The following PDE1A variants were observed in gnomAD, a reference collection of about 807,000 sequenced individuals.
The protein encoded by PDE1A is phosphodiesterase 1A.
In PDE1A, 35 loss-of-function variants were observed where a neutral mutation model predicts 61.7. The ratio of observed to expected loss-of-function variants is 0.57; its 90% CI spans 0.43 to 0.75. The LOEUF (loss-of-function observed/expected upper bound fraction) is 0.75, where lower values mean the gene tolerates loss of function less well. PDE1A is among the 30% of genes least tolerant of loss of function. The probability of loss-of-function intolerance (pLI) is 0.00; values close to 1 mark genes in which losing one functional copy is unlikely to be tolerated. For synonymous variants in PDE1A, 232 were observed against 213.2 expected (o/e 1.09, Z -0.77); for missense variants, 597 against 630.6 (o/e 0.95, Z 0.57).
chr2:182,565,386 A>G, the PDE1A span, among the ~76,000 whole-genome samples: 2 of 152,164 alleles, frequency 1.3e-5, no homozygotes, highest in African/African-American at 4.8e-5. Context: ...TGAACCGCAA[A>G]TGCTGCTGTC....
chr2:182,547,432 T>G, the PDE1A span, among the ~76,000 whole-genome samples: 1 of 152,256 alleles, frequency 6.6e-6, no homozygotes, highest in African/African-American at 2.4e-5. Context: ...CCTTTGATGA[T>G]GAGCATAAGA....
chr2:182,540,369 A>G, the PDE1A span, among the ~76,000 whole-genome samples: 633 of 142,452 alleles, frequency 4.4e-3, 3 homozygotes, highest in African/African-American at 0.014. Flanking sequence ...TCTCAAAGAA[A>G]AAAAAAAAAA....
intron 13 of PDE1A, among the ~76,000 whole-genome samples, chr2:182,148,633 A>G (rs879516834): frequency 1.3e-5 from 2 of 152,166 alleles, no homozygotes; most frequent in Non-Finnish European, 2.9e-5. Flanking sequence ...GTGGGTGGGT[A>G]CATTTGGTTC....
the PDE1A span, among the ~76,000 whole-genome samples, chr2:182,684,746 T>C: frequency 6.6e-6 from 1 of 152,204 alleles, no homozygotes; most frequent in Non-Finnish European, 1.5e-5. Flanking sequence ...AGACAGGATT[T>C]TGCCATGTTG....
chr2:182,344,750 T>TCACA lies in PDE1A; in HGVS notation c.54-80340_54-80337dup, dbSNP rs10590540. Among the ~76,000 whole-genome samples the TCACA allele has an allele frequency of 2.6e-3, 386 of 150,652 alleles. 3 individuals are homozygous for TCACA. Among genetic ancestry groups the TCACA allele is most frequent in the African/African-American group, 8.2e-3 (337 of 41,098 alleles). On this transcript the variant is annotated intron_variant, in intron 1 of 13. Coordinates refer to ENST00000351439, the Ensembl canonical transcript of PDE1A. The stretch of plus-strand genomic sequence containing the variant: ...CTCTGTCTCTCTGTCTCTCTCTCTC[T>TCACA]CACACACACACACACACACATACAC...
At chr2:182,337,931 C>T (rs539634595) in intron 1 of PDE1A, among the ~76,000 whole-genome samples, 1 of 152,290 alleles carries the variant, frequency 6.6e-6, no homozygotes, top group South Asian at 2.1e-4. Context: ...CAATGACCTA[C>T]CTGTCATTTG....
At chr2:182,343,501 T>C (rs1238403153) in intron 1 of PDE1A, among the ~76,000 whole-genome samples, 1 of 152,210 alleles carries the variant, frequency 6.6e-6, no homozygotes, top group Non-Finnish European at 1.5e-5. Flanking sequence ...ATGTTTCTTC[T>C]AAGATAAGAA....
At chr2:182,434,997 A>T (rs1374679521) in intron 2 of PDE1A, among the ~76,000 whole-genome samples, 1 of 152,030 alleles carries the variant, frequency 6.6e-6, no homozygotes, top group African/African-American at 2.4e-5. Flanking sequence ...CTATGTCACA[A>T]AGTAGAAGAA....
intron 8 of PDE1A, among the ~76,000 whole-genome samples, chr2:182,205,571 AT>A (rs1196641099): frequency 5.9e-5 from 9 of 152,324 alleles, no homozygotes; most frequent in Middle Eastern, 3.4e-3. Context: ...TTTAAAAAAA[AT>A]ATATGAAAGA....
the PDE1A span, among the ~76,000 whole-genome samples, chr2:182,577,116 T>C: frequency 3.0e-4 from 46 of 152,320 alleles, no homozygotes; most frequent in African/African-American, 1.0e-3. Context: ...CTTTTGCTAC[T>C]TGATTTACTT....
the PDE1A span, among the ~76,000 whole-genome samples, chr2:182,595,961 C>A: frequency 6.6e-6 from 1 of 152,154 alleles, no homozygotes; most frequent in Non-Finnish European, 1.5e-5. Flanking sequence ...AAACCAAAAT[C>A]TTTGGGGTTG....
the PDE1A span, among the ~76,000 whole-genome samples, chr2:182,712,792 G>A: frequency 2.6e-5 from 4 of 152,034 alleles, no homozygotes; most frequent in South Asian, 2.1e-4. Context: ...TCCTGACCTC[G>A]TGATCCGCCT....
the PDE1A span, among the ~76,000 whole-genome samples, chr2:182,697,201 G>T: frequency 6.6e-6 from 1 of 152,118 alleles, no homozygotes; most frequent in African/African-American, 2.4e-5. Flanking sequence ...GGGAGGTGGG[G>T]CTCATGAAGG....
intron 13 of PDE1A, among the ~76,000 whole-genome samples, chr2:182,171,382 A>G (rs763052875): frequency 1.9e-4 from 29 of 152,038 alleles, no homozygotes; most frequent in Non-Finnish European, 2.5e-4. Context: ...GAAGAACTAT[A>G]GACGTCATTT....
At chr2:182,429,013 T>C (rs958520852), upstream of PDE1A, among the ~76,000 whole-genome samples, 4 of 152,034 alleles carry the variant, frequency 2.6e-5, no homozygotes, top group East Asian at 3.9e-4. Context: ...AATCTGAAAG[T>C]TGTTAATCAT....
chr2:182,711,282 A>G, the PDE1A span, among the ~76,000 whole-genome samples: 1 of 152,232 alleles, frequency 6.6e-6, no homozygotes, highest in African/African-American at 2.4e-5. Context: ...CATCAGCAAT[A>G]GAAGATTGGT....
upstream of PDE1A, among the ~76,000 whole-genome samples, chr2:182,431,063 A>T (rs550300696): frequency 4.8e-4 from 68 of 141,974 alleles, no homozygotes; most frequent in African/African-American, 1.7e-3. Context: ...ATATGTAACT[A>T]ACCTGCACAA....
At chr2:182,235,752 G>C (rs1258801597) in intron 3 of PDE1A, among the ~76,000 whole-genome samples, 3 of 152,106 alleles carry the variant, frequency 2.0e-5, no homozygotes, top group Non-Finnish European at 4.4e-5. Flanking sequence ...CCTACAAAAG[G>C]CCTGGACAAT....
intron 2 of PDE1A, among the ~76,000 whole-genome samples, chr2:182,247,560 G>A (rs536952175): frequency 1.3e-4 from 19 of 151,798 alleles, no homozygotes; most frequent in African/African-American, 3.6e-4. Context: ...CCTTTCCCTC[G>A]TACCCGCCTT....
Sources: gnomAD v4.1 joint callset for allele counts (sites outside exome capture counted in the v4.1 genomes callset) on GRCh38, gnomAD v4.1.1 for gene constraint, MANE v1.5 for transcripts, NCBI Gene and HGNC (gene_info 2026-07-23, HGNC 2026-07-21) for gene names.